TENM2: variants seen among roughly 807,000 people sequenced by gnomAD.
TENM2 encodes teneurin-2.
Under a neutral mutation model 245.2 loss-of-function variants are expected in TENM2, and 52 were observed. The ratio of observed to expected loss-of-function variants is 0.21; its 90% CI spans 0.17 to 0.27. The LOEUF is 0.27. TENM2 is among the 10% of genes least tolerant of loss of function. TENM2 has a pLI of 1.00. For synonymous variants in TENM2, 1,363 were observed against 1,438.9 expected, an observed-to-expected ratio of 0.95 and a Z score of 1.19; for missense variants, 3,046 against 3,666.8, an observed-to-expected ratio of 0.83 and a Z score of 4.37.
chr5:167,612,645 A>G (rs779690319), intron 2 of TENM2, among the ~76,000 whole-genome samples: 8 of 152,144 alleles, frequency 5.3e-5, no homozygotes, highest in South Asian at 2.1e-4. Flanking sequence ...ATTAATTTCA[A>G]TTGGACTCAG....
rs539810658 is a variant in TENM2, at chr5:167,588,748, C to T, written c.502+213275C>T. Among the ~76,000 whole-genome samples, 9 of 152,258 alleles carry T rather than the reference C, an allele frequency of 5.9e-5. No individual in the cohort carries two copies. In the East Asian group the frequency reaches 1.7e-3, roughly 29 times the overall value. ...CATGGAAATGACATGTAGATAGAAC[C>T]TATGTAGAATTACTGGTTTGCAAAG... On this transcript the variant is annotated intron_variant, in intron 2 of 28. Transcript: ENST00000518659.
intron 2 of TENM2, among the ~76,000 whole-genome samples, chr5:167,614,146 A>T (rs1389155158): frequency 6.6e-6 from 1 of 152,186 alleles, no homozygotes; most frequent in Admixed American, 6.5e-5. Flanking sequence ...CCGCTACTCA[A>T]CTGATTATAC....
chr5:167,444,284 TGC>T (rs1250465445), intron 2 of TENM2, among the ~76,000 whole-genome samples: 3 of 96,012 alleles, frequency 3.1e-5, no homozygotes, highest in Admixed American at 2.7e-4. Flanking sequence ...TATGCACACA[TGC>T]ACACATACAC....
chr5:168,159,431 C>G (rs1757543122), intron 12 of TENM2, among the ~76,000 whole-genome samples: 1 of 152,122 alleles, frequency 6.6e-6, no homozygotes, highest in South Asian at 2.1e-4. Flanking sequence ...CCCATTAGCC[C>G]AATCCAACTT....
At chr5:167,060,022 A>G in the TENM2 span, among the ~76,000 whole-genome samples, 1 of 152,158 alleles carries the variant, frequency 6.6e-6, no homozygotes, top group Non-Finnish European at 1.5e-5. Context: ...AAATTTCTAT[A>G]TAGAATTTCA....
chr5:167,324,599 C>G (rs1248012876), intron 1 of TENM2, among the ~76,000 whole-genome samples: 2 of 151,502 alleles, frequency 1.3e-5, no homozygotes, highest in Non-Finnish European at 2.9e-5. Flanking sequence ...TAAATCGAAC[C>G]AGGTAGTTGA....
At chr5:168,083,506 A>G (rs1487797245) in intron 7 of TENM2, among the ~76,000 whole-genome samples, 2 of 152,140 alleles carry the variant, frequency 1.3e-5, no homozygotes, top group African/African-American at 4.8e-5. Flanking sequence ...GAAATGCAGA[A>G]ATCACCCGTC....
intron 2 of TENM2, among the ~76,000 whole-genome samples, chr5:167,513,676 A>G (rs571294983): frequency 3.9e-5 from 6 of 152,280 alleles, no homozygotes; most frequent in Admixed American, 6.5e-5. Context: ...AAGTGCACTT[A>G]TTCTTAGCCT....
Position 168,247,678 on chromosome 5 carries a change from C to T in TENM2, c.6739C>T (p.Arg2247Cys), listed in dbSNP as rs764633306. Reference sequence around the variant, plus strand: ...CAACAGTGTGCGCCTCATGCCCTTGCGCTATGACCTCCGGGATCGGATAAC... The same window carrying T: ...CAACAGTGTGCGCCTCATGCCCTTGTGCTATGACCTCCGGGATCGGATAAC... The change falls in exon 27 of 29, where the codon CGC becomes TGC. Residue 2247 changes from arginine (R) to cysteine (C), a missense_variant. Transcript: ENST00000518659. This position sits in a 1 kb window ranked among gnomAD's most constrained non-coding sequence, Gnocchi z 7.8. 41 of 1,613,692 alleles carry T rather than the reference C, an allele frequency of 2.5e-5. No individual in the cohort carries two copies. Among genetic ancestry groups the T allele is most frequent in the Non-Finnish European group, 3.3e-5 (39 of 1,179,894 alleles).
At chr5:167,362,221 T>C (rs937156671) in intron 1 of TENM2, among the ~76,000 whole-genome samples, 2 of 152,236 alleles carry the variant, frequency 1.3e-5, no homozygotes, top group African/African-American at 4.8e-5. Context: ...TAATGGATGC[T>C]AACACGCACT....
At chr5:167,693,977 G>A (rs1757598342) in intron 2 of TENM2, among the ~76,000 whole-genome samples, 1 of 152,122 alleles carries the variant, frequency 6.6e-6, no homozygotes, top group South Asian at 2.1e-4. Context: ...AATATATTTT[G>A]GATGCACAAC....
chr5:167,537,250 C>CAAAAAAAAAAAA (rs386405596), intron 2 of TENM2, among the ~76,000 whole-genome samples: 3 of 108,724 alleles, frequency 2.8e-5, no homozygotes, highest in Non-Finnish European at 3.5e-5. Flanking sequence ...CCATCTCTAC[C>CAAAAAAAAAAAA]AAAAAAAAAA....
intron 1 of TENM2, among the ~76,000 whole-genome samples, chr5:167,346,708 T>G (rs921746249): frequency 1.3e-5 from 2 of 152,116 alleles, no homozygotes; most frequent in African/African-American, 4.8e-5. Context: ...CAGAGGGCAG[T>G]TTTGTACGCA....
intron 3 of TENM2, among the ~76,000 whole-genome samples, chr5:167,932,743 C>G (rs1256222876): frequency 1.3e-5 from 2 of 152,050 alleles, no homozygotes; most frequent in East Asian, 3.9e-4. Flanking sequence ...TTGTGAGCTG[C>G]ACGCAGTCTC....
intron 4 of TENM2, among the ~76,000 whole-genome samples, chr5:167,956,806 A>G (rs998288529): frequency 6.6e-6 from 1 of 152,210 alleles, no homozygotes; most frequent in Non-Finnish European, 1.5e-5. Context: ...CCAGCCTTGC[A>G]TCCCAGGGAT....
intron 4 of TENM2, among the ~76,000 whole-genome samples, chr5:167,975,831 TAAA>T (rs759931619): frequency 4.2e-5 from 6 of 141,652 alleles, no homozygotes; most frequent in Non-Finnish European, 1.5e-5. Context: ...ATTTGAGGGT[TAAA>T]AAAAAAAAAA....
chr5:168,104,603 C>T (rs1171573712), intron 9 of TENM2, among the ~76,000 whole-genome samples: 2 of 152,196 alleles, frequency 1.3e-5, no homozygotes, highest in African/African-American at 4.8e-5. Flanking sequence ...CCTCACACTG[C>T]GCCTCCCGTG....
intron 1 of TENM2, among the ~76,000 whole-genome samples, chr5:167,332,257 C>T (rs1383130895): frequency 1.3e-5 from 2 of 152,098 alleles, no homozygotes; most frequent in Non-Finnish European, 2.9e-5. Context: ...CTATTTTCCC[C>T]CTCACTTTAG....
At chr5:167,952,524 G>A (rs1780190632) in intron 3 of TENM2, 64 bp from the exon 6 acceptor site, 1 of 1,365,920 alleles carries the variant, frequency 7.3e-7, no homozygotes, top group Non-Finnish European at 1.0e-6. Context: ...TCCTCCAGTG[G>A]TTTGCAGAGT....
Sources: allele counts gnomAD v4.1 joint callset (sites outside exome capture counted in the v4.1 genomes callset), GRCh38; gene constraint gnomAD v4.1.1; non-coding constraint Gnocchi (gnomAD v3.1); transcripts MANE v1.5; gene names NCBI Gene and HGNC (gene_info 2026-07-23, HGNC 2026-07-21).